CCDC171: variants seen among roughly 807,000 people sequenced by gnomAD.
CCDC171 encodes coiled-coil domain-containing protein 171.
A neutral mutation model predicts 168.2 loss-of-function variants in CCDC171; 177 were observed. The ratio of observed to expected loss-of-function variants is 1.05; its 90% CI spans 0.93 to 1.19. The LOEUF is 1.19. CCDC171 is among the 50% of genes most tolerant of loss of function. CCDC171 has a pLI of 0.00. For missense variants in CCDC171, 1,991 were observed against 1,539.0 expected (o/e 1.29, Z -4.91); for synonymous variants, 687 against 540.8 (o/e 1.27, Z -3.75).
intron 4 of CCDC171, chr9:16,022,265 G>A (rs1471077368): frequency 6.6e-6 from 1 of 152,266 alleles, no homozygotes; most frequent in Non-Finnish European, 1.5e-5. Context: ...AAGTCTCAAG[G>A]GAGGTTAAAG....
At chr9:15,559,933 A>T (rs1181257094) in intron 1 of CCDC171, among the ~76,000 whole-genome samples, 1 of 152,056 alleles carries the variant, frequency 6.6e-6, no homozygotes, top group Non-Finnish European at 1.5e-5. Flanking sequence ...CCTGGTGGTG[A>T]CAGAATCTCT....
chr9:15,645,327 G>A (rs779514025), intron 7 of CCDC171, among the ~76,000 whole-genome samples: 8 of 134,142 alleles, frequency 6.0e-5, no homozygotes, highest in Admixed American at 7.3e-5. Context: ...AAAAATCAGA[G>A]CTCTTCTACC....
At chr9:15,800,473 T>C (rs2058769024) in intron 21 of CCDC171, among the ~76,000 whole-genome samples, 1 of 152,160 alleles carries the variant, frequency 6.6e-6, no homozygotes, top group Non-Finnish European at 1.5e-5. Flanking sequence ...ATTTTTTTCC[T>C]ATAGAGTTGT....
At chr9:15,918,136 A>C (rs1271137275) in intron 24 of CCDC171, among the ~76,000 whole-genome samples, 1 of 151,638 alleles carries the variant, frequency 6.6e-6, no homozygotes, top group East Asian at 1.9e-4. Flanking sequence ...TAGTTATTTA[A>C]TCCCTCCAAG....
Position 16,009,903 on chromosome 9 carries a change from G to T in CCDC171, n.369-10686G>T, listed in dbSNP as rs187793398. ...TAATAATCTCTGAGATCTAAAAAATGCATTACAGGCGAATTGAATGCTGGC... is the reference window on the plus strand; with the variant it reads ...TAATAATCTCTGAGATCTAAAAAATTCATTACAGGCGAATTGAATGCTGGC... On this transcript the variant is annotated intron_variant and non_coding_transcript_variant, in intron 3 of 9. Transcript: ENST00000486641. Among the ~76,000 whole-genome samples, 412 of 152,220 alleles carry T rather than the reference G, an allele frequency of 2.7e-3. 14 individuals carry two copies. Among genetic ancestry groups the T allele is most frequent in the Admixed American group, 0.024 (369 of 15,280 alleles).
intron 4 of CCDC171, among the ~76,000 whole-genome samples, chr9:16,021,495 G>T (rs1030017204): frequency 1.3e-5 from 2 of 152,218 alleles, no homozygotes; most frequent in Non-Finnish European, 2.9e-5. Context: ...AGTGAGGAAG[G>T]CAAGGTAACT....
At chr9:15,791,606 G>A (rs565597770) in intron 21 of CCDC171, among the ~76,000 whole-genome samples, 1 of 152,058 alleles carries the variant, frequency 6.6e-6, no homozygotes. Flanking sequence ...TTGCCTGATT[G>A]CCCTGGTCAG....
At chr9:15,785,619 A>G (rs1026614607) in intron 21 of CCDC171, among the ~76,000 whole-genome samples, 2 of 152,084 alleles carry the variant, frequency 1.3e-5, no homozygotes, top group Non-Finnish European at 2.9e-5. Flanking sequence ...GTATGGGATT[A>G]TAAAACACTT....
At chr9:15,685,117 T>C (rs1377782947) in intron 10 of CCDC171, among the ~76,000 whole-genome samples, 1 of 152,220 alleles carries the variant, frequency 6.6e-6, no homozygotes, top group Non-Finnish European at 1.5e-5. Flanking sequence ...TAGCGTTTGT[T>C]GAGTCAACAA....
At chr9:15,863,047 T>G (rs531955982) in intron 23 of CCDC171, among the ~76,000 whole-genome samples, 24 of 142,862 alleles carry the variant, frequency 1.7e-4, no homozygotes, top group Admixed American at 6.8e-5. Flanking sequence ...CCACCCTTTT[T>G]CTCAAACCAC....
At chr9:16,002,719 G>A (rs1307768963) in intron 3 of CCDC171, among the ~76,000 whole-genome samples, 1 of 152,166 alleles carries the variant, frequency 6.6e-6, no homozygotes, top group East Asian at 1.9e-4. Flanking sequence ...CTCACCACTG[G>A]CTTACTGATA....
At chr9:15,625,178 G>A (rs1433328704) in intron 7 of CCDC171, among the ~76,000 whole-genome samples, 6 of 152,054 alleles carry the variant, frequency 3.9e-5, no homozygotes, top group Admixed American at 3.3e-4. Context: ...ATTTTTTCTT[G>A]TAAATTTGTT....
chr9:15,690,960 A>G (rs574232335), intron 10 of CCDC171, among the ~76,000 whole-genome samples: 1 of 152,214 alleles, frequency 6.6e-6, no homozygotes, highest in Non-Finnish European at 1.5e-5. Flanking sequence ...TTGGATAGAT[A>G]TTGGCAAATG....
the CCDC171 span, among the ~76,000 whole-genome samples, chr9:16,106,803 T>G: frequency 0.45 from 67,713 of 152,118 alleles, 18,378 homozygotes; most frequent in African/African-American, 0.76. Flanking sequence ...TCTGAGGCTT[T>G]TTGGGATTAG....
intron 16 of CCDC171, among the ~76,000 whole-genome samples, chr9:15,741,209 C>G (rs904654511): frequency 4.6e-5 from 7 of 152,150 alleles, no homozygotes; most frequent in Admixed American, 4.6e-4. Flanking sequence ...CACAGTATTG[C>G]ACAACCATCA....
chr9:15,967,665 A>C (rs1375443020), intron 25 of CCDC171, among the ~76,000 whole-genome samples: 1 of 152,186 alleles, frequency 6.6e-6, no homozygotes, highest in Non-Finnish European at 1.5e-5. Flanking sequence ...ACCTGCCCCA[A>C]ATGACCCAGT....
At chr9:15,648,850 C>G (rs760836975) in intron 7 of CCDC171, among the ~76,000 whole-genome samples, 1 of 152,100 alleles carries the variant, frequency 6.6e-6, no homozygotes, top group Non-Finnish European at 1.5e-5. Context: ...TCAATGCCAT[C>G]CCCATCAAGC....
intron 6 of CCDC171, among the ~76,000 whole-genome samples, chr9:15,613,598 C>G (rs1362688491): frequency 6.6e-6 from 1 of 150,584 alleles, no homozygotes; most frequent in Non-Finnish European, 1.5e-5. Context: ...TCTTGGCTAA[C>G]TGCAGCCTCC....
At chr9:15,606,005 A>C (rs1183600102) in intron 6 of CCDC171, among the ~76,000 whole-genome samples, 1 of 152,146 alleles carries the variant, frequency 6.6e-6, no homozygotes, top group Non-Finnish European at 1.5e-5. Flanking sequence ...GTTTTTTTCT[A>C]TACACACACA....
Sources: gnomAD v4.1 joint callset for allele counts (sites outside exome capture counted in the v4.1 genomes callset) on GRCh38, gnomAD v4.1.1 for gene constraint, MANE v1.5 for transcripts, NCBI Gene and HGNC (gene_info 2026-07-23, HGNC 2026-07-21) for gene names.